IGF1R: variants seen among roughly 807,000 people sequenced by gnomAD.
IGF1R encodes the protein insulin like growth factor 1 receptor, also known as insulin-like growth factor 1 receptor.
IGF1R carries 44 observed loss-of-function variants against 144.6 expected under a neutral mutation model. That is an observed-to-expected ratio of 0.30 (90% CI 0.24 to 0.39). The LOEUF is 0.39. Among genes scored for constraint, IGF1R ranks in the 10% least tolerant of loss-of-function variants. IGF1R has a pLI of 1.00. For synonymous variants in IGF1R, 795 were observed against 722.8 expected, an observed-to-expected ratio of 1.10 and a Z score of -1.60; for missense variants, 1,355 against 1,833.7, an observed-to-expected ratio of 0.74 and a Z score of 4.77.
chr15:98,800,490 C>T (rs899942641), intron 2 of IGF1R, among the ~76,000 whole-genome samples: 1 of 151,980 alleles, frequency 6.6e-6, no homozygotes, highest in Non-Finnish European at 1.5e-5. Flanking sequence ...CAACAAAGAA[C>T]AACCTTTGAT....
chr15:98,957,171 C>A lies in IGF1R; in HGVS notation c.3833C>A (p.Ser1278Tyr). Residue 1278 changes from serine (S) to tyrosine (Y), a missense_variant, in exon 21 of 21, where the codon TCC becomes TAC. By Grantham distance (144) the Ser-to-Tyr change is moderately radical (BLOSUM62 -2). This residue lies in a region of IGF1R where 219 missense variants were observed against 188.8 expected (regional missense o/e 1.16). Coordinates refer to ENST00000650285, the MANE Select transcript of IGF1R (RefSeq NM_000875.5). ...EEMEPGFREV[S>Y]FYYSEENKLP... ...ATGGAGCCTGGCTTCCGGGAGGTCT[C>A]CTTCTACTACAGCGAGGAGAACAAG... 6.2e-7 allele frequency: 1 copy of A among 1,614,238 alleles called. No homozygotes were observed. Among genetic ancestry groups the A allele is most frequent in the Non-Finnish European group, 8.5e-7 (1 of 1,180,048 alleles).
intron 2 of IGF1R, among the ~76,000 whole-genome samples, chr15:98,826,101 G>A (rs559945343): frequency 5.3e-5 from 8 of 152,344 alleles, no homozygotes; most frequent in Admixed American, 2.6e-4. Context: ...CATGAAGCAG[G>A]TAATTATGGT....
intron 2 of IGF1R, among the ~76,000 whole-genome samples, chr15:98,873,319 A>G (rs190362245): frequency 6.9e-4 from 105 of 152,328 alleles, no homozygotes; most frequent in Non-Finnish European, 8.5e-4. Flanking sequence ...ATCAGCTTCA[A>G]GATTTCTCTT....
intron 2 of IGF1R, among the ~76,000 whole-genome samples, chr15:98,749,189 A>G (rs2054943841): frequency 6.6e-6 from 1 of 151,818 alleles, no homozygotes; most frequent in African/African-American, 2.4e-5. Context: ...TTTACAGAAT[A>G]AATCTTTTTA....
At chr15:98,949,708 G>A (rs965126627) in intron 20 of IGF1R, among the ~76,000 whole-genome samples, 1 of 152,228 alleles carries the variant, frequency 6.6e-6, no homozygotes, top group African/African-American at 2.4e-5. Flanking sequence ...GCAGCTTTTA[G>A]TCCTAAGTTT....
chr15:98,948,222 A>T (rs1156392846), intron 19 of IGF1R, among the ~76,000 whole-genome samples: 2 of 152,194 alleles, frequency 1.3e-5, no homozygotes, highest in Non-Finnish European at 2.9e-5. Context: ...GTTAGGTGAT[A>T]CCGCCTTGCC....
intron 1 of IGF1R, among the ~76,000 whole-genome samples, chr15:98,693,771 C>A (rs45446097): frequency 0.11 from 16,127 of 152,042 alleles, 1,616 homozygotes; most frequent in African/African-American, 0.26. Flanking sequence ...ATGCCACGCT[C>A]ATTTTTGTAT....
At chr15:98,915,141 C>A (rs575570400) in intron 8 of IGF1R, among the ~76,000 whole-genome samples, 8 of 152,230 alleles carry the variant, frequency 5.3e-5, no homozygotes, top group African/African-American at 1.7e-4. Context: ...TTTTTTGTGA[C>A]CCAATAAGGA....
At chr15:98,861,835 C>T (rs2012174541) in intron 2 of IGF1R, among the ~76,000 whole-genome samples, 1 of 152,244 alleles carries the variant, frequency 6.6e-6, no homozygotes, top group African/African-American at 2.4e-5. Flanking sequence ...GGCACATGTA[C>T]CTAAAAGGAT....
At chr15:98,833,340 C>T (rs762813147) in intron 2 of IGF1R, among the ~76,000 whole-genome samples, 2 of 152,218 alleles carry the variant, frequency 1.3e-5, no homozygotes, top group Non-Finnish European at 2.9e-5. Flanking sequence ...TGTGATTGAC[C>T]TGGACCCCCT....
intron 1 of IGF1R, among the ~76,000 whole-genome samples, chr15:98,699,907 T>G (rs1466309029): frequency 2.0e-5 from 3 of 152,330 alleles, no homozygotes; most frequent in Non-Finnish European, 4.4e-5. Flanking sequence ...TCTTACATTC[T>G]TATCATTGCC....
At chr15:98,877,513 T>TTTTAC (rs773470156) in intron 2 of IGF1R, among the ~76,000 whole-genome samples, 1 of 111,438 alleles carries the variant, frequency 9.0e-6, no homozygotes, top group African/African-American at 3.6e-5. Context: ...TTTTTTTTTT[T>TTTTAC]CCCCAAAAAA....
intron 2 of IGF1R, among the ~76,000 whole-genome samples, chr15:98,752,718 C>A (rs1054504378): frequency 6.6e-5 from 10 of 151,738 alleles, no homozygotes; most frequent in Admixed American, 1.3e-4. Flanking sequence ...TGAGCCTTAT[C>A]CCCCAAATGT....
chr15:98,917,516 G>T (rs1456708870), intron 10 of IGF1R, among the ~76,000 whole-genome samples: 2 of 152,222 alleles, frequency 1.3e-5, no homozygotes, highest in African/African-American at 4.8e-5. Flanking sequence ...GGGGAGTGGG[G>T]ACAAAAGCAG....
chr15:98,746,470 T>A (rs2054869007), intron 2 of IGF1R, among the ~76,000 whole-genome samples: 1 of 152,188 alleles, frequency 6.6e-6, no homozygotes, highest in African/African-American at 2.4e-5. Context: ...GATGTCTTTT[T>A]AGTGTAACTT....
At chr15:98,923,244 C>T (rs1331934162) in intron 11 of IGF1R, among the ~76,000 whole-genome samples, 1 of 152,270 alleles carries the variant, frequency 6.6e-6, no homozygotes, top group East Asian at 1.9e-4. Flanking sequence ...AAGAAAGGAA[C>T]CACTGCAAGG....
At position 98,916,825 on chromosome 15, in the gene IGF1R, A is replaced by C; in HGVS notation, c.2150A>C (p.Glu717Ala). 6.2e-7 allele frequency: 1 copy of C among 1,614,102 alleles called. No homozygotes were observed. The highest frequency in any genetic ancestry group is 1.1e-5 in the South Asian group (1 of 91,078). ...AAGCAGGCCGAGAAGGAGGAGGCTG[A>C]ATACCGCAAAGTCTTTGAGAATTTC... ...AEKQAEKEEAEYRKVFENFLH... is the reference protein window; with the variant it reads ...AEKQAEKEEAAYRKVFENFLH... Residue 717 changes from glutamate (E) to alanine (A), a missense_variant, in exon 10 of 21, where the codon GAA (glutamate) becomes GCA (alanine). Glu to Ala is a moderately radical substitution (Grantham distance 107). Transcript: ENST00000650285.
chr15:98,846,938 TTATTA>T (rs1303445472), intron 2 of IGF1R, among the ~76,000 whole-genome samples: 1 of 151,660 alleles, frequency 6.6e-6, no homozygotes. Flanking sequence ...TGGCTGCCAA[TTATTA>T]TATTCCTTCA....
chr15:98,803,046 A>G (rs2056394532), intron 2 of IGF1R, among the ~76,000 whole-genome samples: 1 of 152,226 alleles, frequency 6.6e-6, no homozygotes, highest in Admixed American at 6.5e-5. Flanking sequence ...AGGTAATTAA[A>G]AATGTACAGA....
Sources: allele counts gnomAD v4.1 joint callset (sites outside exome capture counted in the v4.1 genomes callset), GRCh38; gene constraint gnomAD v4.1.1; regional missense constraint gnomAD v4.1.1; transcripts MANE v1.5; gene names NCBI Gene and HGNC (gene_info 2026-07-23, HGNC 2026-07-21).